Variants in ARL6IP6 observed in about 807,000 individuals in gnomAD.
ARL6IP6 encodes ARF like GTPase 6 interacting protein 6.
A neutral mutation model predicts 21.5 loss-of-function variants in ARL6IP6; 22 were observed. The ratio of observed to expected loss-of-function variants is 1.02; its 90% CI spans 0.73 to 1.46. ARL6IP6 has a LOEUF of 1.46. ARL6IP6 is among the 40% of genes most tolerant of loss of function. The pLI is 0.00. For missense variants in ARL6IP6, 388 were observed against 299.8 expected (o/e 1.29, Z -2.17); for synonymous variants, 164 against 125.3 (o/e 1.31, Z -2.06).
At chr2:152,747,179 T>C (rs1442274145) in intron 3 of ARL6IP6, among the ~76,000 whole-genome samples, 2 of 152,124 alleles carry the variant, frequency 1.3e-5, no homozygotes, top group Admixed American at 1.3e-4. Context: ...AGAACACTAA[T>C]GAAAGGAATT....
At chr2:152,743,209 A>G (rs772450519) in intron 3 of ARL6IP6, among the ~76,000 whole-genome samples, 1 of 151,382 alleles carries the variant, frequency 6.6e-6, no homozygotes, top group Non-Finnish European at 1.5e-5. Context: ...TAGTGGTGAA[A>G]GTATGTAGCT....
At chr2:152,743,731 A>C (rs575392657) in intron 3 of ARL6IP6, among the ~76,000 whole-genome samples, 1 of 152,176 alleles carries the variant, frequency 6.6e-6, no homozygotes, top group East Asian at 1.9e-4. Flanking sequence ...GGATAGTTCA[A>C]CTATATAAAT....
intron 3 of ARL6IP6, among the ~76,000 whole-genome samples, chr2:152,738,371 T>C (rs1488765365): frequency 6.6e-6 from 1 of 152,242 alleles, no homozygotes; most frequent in Non-Finnish European, 1.5e-5. Context: ...CACTAGGTAG[T>C]TCCCCCGTGG....
intron 2 of ARL6IP6, among the ~76,000 whole-genome samples, chr2:152,733,502 A>G (rs1700419791): frequency 2.6e-5 from 4 of 152,026 alleles, no homozygotes; most frequent in Admixed American, 6.5e-5. Context: ...GCCTCAAGTA[A>G]TCCTCTTGCT....
chr2:152,741,007 A>C (rs1035690210), intron 3 of ARL6IP6, among the ~76,000 whole-genome samples: 1 of 152,290 alleles, frequency 6.6e-6, no homozygotes, highest in African/African-American at 2.4e-5. Context: ...GAGAAAGTTG[A>C]AATCTTCAGA....
intron 3 of ARL6IP6, among the ~76,000 whole-genome samples, chr2:152,737,569 G>A (rs1460054258): frequency 1.3e-5 from 2 of 152,110 alleles, no homozygotes; most frequent in Non-Finnish European, 2.9e-5. Flanking sequence ...CCACATGGCT[G>A]GGGAGGCCTC....
At chr2:152,732,436 T>C (rs532549592) in intron 2 of ARL6IP6, 3 of 372,736 alleles carry the variant, frequency 8.0e-6, no homozygotes, top group Admixed American at 4.1e-5. Context: ...TGAGCATCTG[T>C]TCATGTTTTA....
At chr2:152,758,791 T>C (rs1186222537) in intron 3 of ARL6IP6, among the ~76,000 whole-genome samples, 1 of 152,182 alleles carries the variant, frequency 6.6e-6, no homozygotes, top group Non-Finnish European at 1.5e-5. Context: ...CTTCAAGTGT[T>C]AGTTCACAGC....
Position 152,719,154 on chromosome 2 carries a change from C to A in ARL6IP6, c.400+130C>A, listed in dbSNP as rs374975909. 1.2e-3 allele frequency: 1,331 copies of A among 1,070,282 alleles called. 26 individuals carry two copies. The South Asian group carries it at 0.027, about 22-fold the overall frequency. 66.3% of individuals were successfully genotyped at this position (1,070,282 alleles called of 1,614,324 possible). ...GGCAGCTGCTTTCACCCAGAGTCCT[C>A]ATTTGCATCTTACTTTGCTCTCCCG... On this transcript the variant is annotated intron_variant, in intron 1 of 3. Coordinates refer to ENST00000326446, the MANE Select transcript of ARL6IP6 (RefSeq NM_152522.7).
At chr2:152,758,487 A>G (rs76176798) in intron 3 of ARL6IP6, among the ~76,000 whole-genome samples, 1,694 of 152,240 alleles carry the variant, frequency 0.011, 30 homozygotes, top group African/African-American at 0.039. Flanking sequence ...TATTTGAGGA[A>G]TTTCTTTTTT....
At chr2:152,720,223 T>G (rs1483529524) in intron 1 of ARL6IP6, 1 of 388,516 alleles carries the variant, frequency 2.6e-6, no homozygotes, top group East Asian at 5.4e-5. Context: ...GACATTGAAC[T>G]GTGCTTATTT....
chr2:152,728,618 G>A (rs1387267656), intron 2 of ARL6IP6, among the ~76,000 whole-genome samples: 1 of 152,070 alleles, frequency 6.6e-6, no homozygotes, highest in Non-Finnish European at 1.5e-5. Context: ...GGCTTATTTT[G>A]AAAAATAAGC....
intron 3 of ARL6IP6, among the ~76,000 whole-genome samples, chr2:152,736,469 C>T (rs1454707183): frequency 1.3e-5 from 2 of 152,220 alleles, no homozygotes; most frequent in East Asian, 1.9e-4. Flanking sequence ...ACCCATTTCA[C>T]TCACCAGAGC....
At chr2:152,737,138 T>C (rs1012845102) in intron 3 of ARL6IP6, among the ~76,000 whole-genome samples, 2 of 152,214 alleles carry the variant, frequency 1.3e-5, no homozygotes, top group African/African-American at 4.8e-5. Flanking sequence ...CAACCTCAGC[T>C]ATTTCCCTAC....
Position 152,760,012 on chromosome 2 carries a change from A to G in ARL6IP6, c.*172A>G. The G allele has an allele frequency of 1.8e-6, 1 of 556,600 alleles. No individual in the cohort carries two copies. Among genetic ancestry groups the G allele is most frequent in the Non-Finnish European group, 3.2e-6 (1 of 313,560 alleles). The allele number at this position is 556,600 out of a possible 1,614,324, so 34.5% of individuals were successfully genotyped here. On this transcript the variant is annotated 3_prime_UTR_variant, in exon 4 of 4. Coordinates refer to ENST00000326446, the MANE Select transcript of ARL6IP6 (RefSeq NM_152522.7). Reference sequence around the variant, plus strand: ...AAGACCTTTTAAAGCATTGTTTTAGAATGTCTGAGTATTAAGATACAGATT... The same window carrying G: ...AAGACCTTTTAAAGCATTGTTTTAGGATGTCTGAGTATTAAGATACAGATT...
At chr2:152,719,350 G>A (rs555612446) in intron 1 of ARL6IP6, among the ~76,000 whole-genome samples, 42 of 152,246 alleles carry the variant, frequency 2.8e-4, no homozygotes, top group Middle Eastern at 6.8e-3. Flanking sequence ...CCATTAAAAG[G>A]AGACAGTGAA....
At chr2:152,743,782 T>A (rs1411577267) in intron 3 of ARL6IP6, among the ~76,000 whole-genome samples, 1 of 152,218 alleles carries the variant, frequency 6.6e-6, no homozygotes, top group Non-Finnish European at 1.5e-5. Context: ...TGCAAGCTTA[T>A]GCTGATCAAA....
intron 3 of ARL6IP6, among the ~76,000 whole-genome samples, chr2:152,737,315 G>GT (rs148697843): frequency 6.6e-6 from 1 of 152,208 alleles, no homozygotes; most frequent in East Asian, 1.9e-4. Flanking sequence ...CCTTATAAGT[G>GT]TAAGAAGCCT....
At chr2:152,720,177 T>A (rs533927117) in intron 1 of ARL6IP6, 28 of 220,276 alleles carry the variant, frequency 1.3e-4, no homozygotes, top group Non-Finnish European at 9.4e-5. Flanking sequence ...TATCATAAAG[T>A]CACAAAACCA....
Sources: gnomAD v4.1 joint callset for allele counts (sites outside exome capture counted in the v4.1 genomes callset) on GRCh38, gnomAD v4.1.1 for gene constraint, MANE v1.5 for transcripts, NCBI Gene and HGNC (gene_info 2026-07-23, HGNC 2026-07-21) for gene names.